The following PNPLA7 variants were observed in gnomAD, a reference collection of about 807,000 sequenced individuals.
PNPLA7 encodes the protein patatin-like phospholipase domain-containing protein 7.
PNPLA7 carries 153 observed loss-of-function variants against 161.7 expected under a neutral mutation model. The observed-to-expected ratio is 0.95, with a 90% CI of 0.83 to 1.08. PNPLA7 has a LOEUF of 1.08. Among genes scored for constraint, PNPLA7 ranks in the 50% least tolerant of loss-of-function variants. The probability of loss-of-function intolerance (pLI) is 0.00; values close to 1 mark genes in which losing one functional copy is unlikely to be tolerated. For missense variants in PNPLA7, 1,739 were observed against 1,856.6 expected (o/e 0.94, Z 1.16); for synonymous variants, 809 against 782.1 (o/e 1.03, Z -0.57).
chr9:137,461,631 G>A lies in PNPLA7; in HGVS notation c.3757-11C>T. The A allele has an allele frequency of 6.2e-7, 1 of 1,602,918 alleles. No individual in the cohort carries two copies. Among genetic ancestry groups the A allele is most frequent in the Non-Finnish European group, 8.5e-7 (1 of 1,173,442 alleles). On this transcript the variant is annotated splice_polypyrimidine_tract_variant and intron_variant, in intron 32 of 34. Coordinates refer to ENST00000406427, the MANE Select transcript of PNPLA7 (RefSeq NM_001098537.3). ...GGGACAGGTGAGGACCTAGGGGTGG[G>A]GTGAGGACAGCACGTTGCCTGTGGA... is the stretch of plus-strand genomic sequence containing the variant.
intron 20 of PNPLA7, among the ~76,000 whole-genome samples, chr9:137,487,391 C>A (rs749996434): frequency 1.2e-4 from 19 of 152,240 alleles, no homozygotes; most frequent in Non-Finnish European, 2.4e-4. Flanking sequence ...GGCCAAGTGT[C>A]GCCGTGGGGC....
chr9:137,502,229 C>A (rs539138676), intron 14 of PNPLA7, among the ~76,000 whole-genome samples: 3 of 152,024 alleles, frequency 2.0e-5, no homozygotes, highest in African/African-American at 7.2e-5. Flanking sequence ...GTGGAGAGGC[C>A]CTGGGGCAAA....
At chr9:137,479,410 C>T (rs1588560454) in intron 23 of PNPLA7, 172 bp from the exon 24 acceptor site, 11 of 1,303,098 alleles carry the variant, frequency 8.4e-6, no homozygotes, top group South Asian at 7.5e-5. Flanking sequence ...GAAGCTCTGA[C>T]GGCAGGGGTC....
chr9:137,518,618 C>G (rs868054581), intron 11 of PNPLA7, among the ~76,000 whole-genome samples: 22 of 60,948 alleles, frequency 3.6e-4, no homozygotes, highest in East Asian at 6.1e-4. Flanking sequence ...CCATCCCCCA[C>G]TCACTCACTC....
rs1327494142 is a variant in PNPLA7 at position 137,541,400 on chromosome 9, C to G, written c.667-678G>C. Reference sequence around the variant, plus strand: ...TCTAATAACCCATCAAGTCCAGCCACAGACAAAGCGACAAACCTGAGAACC... The same window carrying G: ...TCTAATAACCCATCAAGTCCAGCCAGAGACAAAGCGACAAACCTGAGAACC... On this transcript the variant is annotated intron_variant, in intron 7 of 34. Transcript: ENST00000406427. The surrounding 1 kb of genome is among the most constrained non-coding windows in gnomAD (Gnocchi z 4.4). 11 of 984,974 alleles carry G rather than the reference C, an allele frequency of 1.1e-5. No individual in the cohort carries two copies. The Middle Eastern group carries it at 1.5e-3, about 139-fold the overall frequency. The allele number at this position is 984,974 out of a possible 1,614,324, so 61.0% of individuals were successfully genotyped here. A position where few individuals can be genotyped will look rare whatever the true frequency, so the allele number is the denominator to read the frequency against.
rs890588774 is a variant in PNPLA7 at position 137,542,837 on chromosome 9, C to T, written c.507-36G>A. The T allele has an allele frequency of 1.9e-6, 3 of 1,588,426 alleles. No individual in the cohort carries two copies. In the Admixed American group the frequency reaches 5.1e-5, roughly 27 times the overall value. On this transcript the variant is annotated intron_variant, in intron 6 of 34. Transcript: ENST00000406427. ...CAGAGGGCACTGTGGGACGCCCTTC[C>T]AGGGGAGGAGGACGGCCTCTCCAAG...
rs1317546428 is a variant in PNPLA7, at chr9:137,523,757, G to T, written c.748-900C>A. ...TTCTCCTGCCTCAGCCTCCACAGTA[G>T]CTGGGGCTACAAGCGCCCGCCACCA... On this transcript the variant is annotated intron_variant, in intron 8 of 34. Transcript: ENST00000406427. The surrounding 1 kb of genome is among the most constrained non-coding windows in gnomAD (Gnocchi z 4.4). Among the ~76,000 whole-genome samples the T allele has an allele frequency of 6.6e-6, 1 of 152,052 alleles. No homozygotes were observed. Among genetic ancestry groups the T allele is most frequent in the East Asian group, 1.9e-4 (1 of 5,168 alleles).
At chr9:137,548,208 G>T (rs910383384) in intron 1 of PNPLA7, among the ~76,000 whole-genome samples, 7 of 152,336 alleles carry the variant, frequency 4.6e-5, no homozygotes, top group African/African-American at 1.4e-4. Context: ...GTGAGTGAAC[G>T]ACAGCAGAGG....
At chr9:137,462,405 C>T in intron 30 of PNPLA7, 74 bp from the exon 31 acceptor site, 1 of 1,524,988 alleles carries the variant, frequency 6.6e-7, no homozygotes, top group Non-Finnish European at 8.8e-7. Flanking sequence ...TGGCGCAGGA[C>T]AGGTTCTGGG....
At chr9:137,510,301 TC>T (rs373035692) in intron 12 of PNPLA7, among the ~76,000 whole-genome samples, 1,682 of 152,264 alleles carry the variant, frequency 0.011, 29 homozygotes, top group African/African-American at 0.038. Flanking sequence ...CCTAACCGTC[TC>T]CCTGTGATGC....
chr9:137,511,026 A>G (rs1834196585), intron 12 of PNPLA7, among the ~76,000 whole-genome samples: 1 of 152,272 alleles, frequency 6.6e-6, no homozygotes, highest in South Asian at 2.1e-4. Context: ...TAGGAGCTGA[A>G]GGGACATTGT....
intron 8 of PNPLA7, among the ~76,000 whole-genome samples, chr9:137,538,016 T>C (rs1422047717): frequency 1.3e-5 from 2 of 151,916 alleles, no homozygotes; most frequent in East Asian, 3.9e-4. Context: ...CCCTTACACA[T>C]CCAGGAGTCC....
At chr9:137,518,209 T>C (rs1212858777) in intron 11 of PNPLA7, among the ~76,000 whole-genome samples, 42 of 89,124 alleles carry the variant, frequency 4.7e-4, no homozygotes, top group African/African-American at 1.2e-3. Flanking sequence ...TCCACTCTGC[T>C]CACTCCATCC....
Position 137,496,321 on chromosome 9 carries a change from T to G in PNPLA7, c.2013+866A>C, listed in dbSNP as rs190186185. On this transcript the variant is annotated intron_variant, in intron 18 of 34. Coordinates refer to ENST00000406427, the MANE Select transcript of PNPLA7 (RefSeq NM_001098537.3). ...GGGGTTTCTTCATGTTGGTCAGGCT[T>G]GTCTCGAACTCCCAACCTCAGGTGG... Among the ~76,000 whole-genome samples the G allele has an allele frequency of 2.6e-3, 399 of 151,060 alleles. 1 individual carries two copies. The highest frequency in any genetic ancestry group is 9.4e-3 in the African/African-American group (387 of 41,246).
At position 137,505,664 on chromosome 9, in the gene PNPLA7, C is replaced by T. The variant is rs1274970041; in HGVS notation, c.1423G>A (p.Ala475Thr). The part of the protein sequence containing the change: ...DETLASRKSD[A>T]IFRAAKKDLL... ...TCCTTCTTGGCAGCTCTGAAGATGG[C>T]ATCCGACTTCCTGCTGGCCAGGGTC... The change falls in exon 14 of 35, where the codon GCC (alanine) becomes ACC (threonine). Residue 475 changes from alanine to threonine, a missense_variant. Coordinates refer to ENST00000406427, the MANE Select transcript of PNPLA7 (RefSeq NM_001098537.3). 1 of 1,614,152 alleles carries T rather than the reference C, an allele frequency of 6.2e-7. No homozygotes were observed. The highest frequency in any genetic ancestry group is 1.3e-5 in the African/African-American group (1 of 75,078).
chr9:137,501,133 G>A (rs1017349857), intron 15 of PNPLA7, among the ~76,000 whole-genome samples: 2 of 152,172 alleles, frequency 1.3e-5, no homozygotes, highest in African/African-American at 2.4e-5. Context: ...GCCGGGCCTC[G>A]GACCTGCACA....
intron 10 of PNPLA7, among the ~76,000 whole-genome samples, chr9:137,521,056 C>T (rs1207096729): frequency 2.1e-5 from 3 of 140,884 alleles, no homozygotes; most frequent in Non-Finnish European, 3.1e-5. Context: ...TCTGCTGGAC[C>T]GTGGCCATAG....
chr9:137,487,157 C>T (rs943657175), intron 20 of PNPLA7, among the ~76,000 whole-genome samples: 3 of 152,266 alleles, frequency 2.0e-5, no homozygotes, highest in Admixed American at 6.5e-5. Flanking sequence ...TGGACGGTTG[C>T]GTGCTGCGCA....
At chr9:137,472,195 C>A (rs1831736534) in intron 25 of PNPLA7, among the ~76,000 whole-genome samples, 4 of 152,120 alleles carry the variant, frequency 2.6e-5, no homozygotes, top group South Asian at 2.1e-4. Context: ...GCCACTGGAT[C>A]TGACAGGGGC....
Sources: allele counts gnomAD v4.1 joint callset (sites outside exome capture counted in the v4.1 genomes callset), GRCh38; gene constraint gnomAD v4.1.1; non-coding constraint Gnocchi (gnomAD v3.1); transcripts MANE v1.5; gene names NCBI Gene and HGNC (gene_info 2026-07-23, HGNC 2026-07-21).